The following RORA variants were observed in gnomAD, a reference collection of about 807,000 sequenced individuals.
RORA encodes RAR related orphan receptor A.
RORA carries 7 observed loss-of-function variants against 69.5 expected under a neutral mutation model. That is an observed-to-expected ratio of 0.10 (90% CI 0.06 to 0.19). The LOEUF is 0.19. Ranked by LOEUF, RORA falls within the 10% of genes least tolerant of loss-of-function variation. The probability of loss-of-function intolerance (pLI) is 1.00; values close to 1 mark genes in which losing one functional copy is unlikely to be tolerated. For missense variants in RORA, 457 were observed against 663.0 expected, an observed-to-expected ratio of 0.69 and a Z score of 3.41; for synonymous variants, 261 against 240.8, an observed-to-expected ratio of 1.08 and a Z score of -0.78.
At chr15:60,924,434 A>G (rs149056166) in intron 1 of RORA, among the ~76,000 whole-genome samples, 24 of 151,468 alleles carry the variant, frequency 1.6e-4, no homozygotes, top group African/African-American at 5.6e-4. Flanking sequence ...TACACATACT[A>G]TAGTCCTTTA....
At chr15:61,046,359 T>C (rs574387875) in intron 1 of RORA, among the ~76,000 whole-genome samples, 1 of 152,250 alleles carries the variant, frequency 6.6e-6, no homozygotes, top group South Asian at 2.1e-4. Context: ...GCTTTGATAA[T>C]TGTCCTAGGG....
At chr15:60,881,040 C>T (rs879611199) in intron 1 of RORA, among the ~76,000 whole-genome samples, 1 of 152,202 alleles carries the variant, frequency 6.6e-6, no homozygotes, top group Non-Finnish European at 1.5e-5. Flanking sequence ...AAATGCTGAT[C>T]TAAACAAGGA....
chr15:60,968,110 A>G (rs990556113), intron 1 of RORA, among the ~76,000 whole-genome samples: 2 of 152,234 alleles, frequency 1.3e-5, no homozygotes, highest in African/African-American at 4.8e-5. Flanking sequence ...TGCTTACGCT[A>G]TTCCAGAGAC....
At chr15:61,105,723 TATC>T (rs1273166222) in intron 1 of RORA, among the ~76,000 whole-genome samples, 10 of 152,356 alleles carry the variant, frequency 6.6e-5, no homozygotes, top group African/African-American at 2.4e-4. Context: ...CAAATTCATC[TATC>T]ATGACATATT....
At chr15:61,056,279 G>A (rs538032165) in intron 1 of RORA, among the ~76,000 whole-genome samples, 6 of 152,186 alleles carry the variant, frequency 3.9e-5, no homozygotes, top group Non-Finnish European at 8.8e-5. Flanking sequence ...CTGTGAGGTG[G>A]TTATTGGCAT....
At chr15:60,819,772 C>T (rs2072868322) in intron 1 of RORA, among the ~76,000 whole-genome samples, 1 of 151,122 alleles carries the variant, frequency 6.6e-6, no homozygotes, top group South Asian at 2.1e-4. Flanking sequence ...CACACACACA[C>T]ACACACACAC....
intron 4 of RORA, among the ~76,000 whole-genome samples, chr15:60,513,322 C>T (rs1173690989): frequency 6.6e-6 from 1 of 152,142 alleles, no homozygotes; most frequent in Non-Finnish European, 1.5e-5. Flanking sequence ...TTCTTATATG[C>T]AAAATTTTCA....
chr15:61,137,880 T>C (rs1251179953), intron 1 of RORA, among the ~76,000 whole-genome samples: 1 of 152,166 alleles, frequency 6.6e-6, no homozygotes, highest in Non-Finnish European at 1.5e-5. Context: ...ATGAATAACT[T>C]CAAACATCCC....
At chr15:60,688,014 A>C (rs2070772104) in intron 1 of RORA, among the ~76,000 whole-genome samples, 1 of 152,228 alleles carries the variant, frequency 6.6e-6, no homozygotes, top group Non-Finnish European at 1.5e-5. Flanking sequence ...TAGAAATTTT[A>C]GGAATTAATC....
At chr15:60,614,905 G>T (rs2069190998) in intron 2 of RORA, 1 of 1,613,020 alleles carries the variant, frequency 6.2e-7, no homozygotes, top group African/African-American at 1.3e-5. Context: ...TTTTCTCAAT[G>T]CAGGGAGCAG....
At chr15:60,857,621 G>C (rs1004252975) in intron 1 of RORA, among the ~76,000 whole-genome samples, 10 of 152,078 alleles carry the variant, frequency 6.6e-5, no homozygotes, top group Non-Finnish European at 7.4e-5. Flanking sequence ...CAAGCAGAAG[G>C]CCTACCTGGC....
intron 1 of RORA, among the ~76,000 whole-genome samples, chr15:60,747,927 A>G (rs1434703542): frequency 2.0e-4 from 31 of 152,190 alleles, no homozygotes. Context: ...ATTAATATAG[A>G]TTCCCACCCA....
intron 1 of RORA, among the ~76,000 whole-genome samples, chr15:61,040,106 A>C (rs1407592852): frequency 8.8e-6 from 1 of 113,894 alleles, no homozygotes; most frequent in Admixed American, 9.0e-5. Context: ...CTATGATCAC[A>C]AGCTTTGATA....
At chr15:61,215,576 C>A (rs1428603122) in intron 1 of RORA, among the ~76,000 whole-genome samples, 1 of 152,186 alleles carries the variant, frequency 6.6e-6, no homozygotes, top group Non-Finnish European at 1.5e-5. Flanking sequence ...TAAAAGGCAA[C>A]ATAAGCCAAG....
At chr15:60,763,534 G>A (rs1454418735) in intron 1 of RORA, among the ~76,000 whole-genome samples, 8 of 152,186 alleles carry the variant, frequency 5.3e-5, no homozygotes, top group Non-Finnish European at 1.5e-5. Context: ...GAGGTTCGCT[G>A]CTGCCAGCCT....
intron 3 of RORA, among the ~76,000 whole-genome samples, chr15:60,516,185 T>TTA (rs1197700085): frequency 0.12 from 2,099 of 17,756 alleles, 47 homozygotes; most frequent in Non-Finnish European, 0.15. Context: ...ATATATATAT[T>TTA]TATATATATA....
intron 2 of RORA, among the ~76,000 whole-genome samples, chr15:60,620,904 G>A (rs191022875): frequency 2.6e-5 from 4 of 152,368 alleles, no homozygotes. Flanking sequence ...GCATGTGAAC[G>A]TGGCAGGAAT....
intron 1 of RORA, among the ~76,000 whole-genome samples, chr15:60,910,543 A>G (rs1347406125): frequency 2.0e-5 from 3 of 152,182 alleles, no homozygotes. Context: ...GAAGCAGGTT[A>G]ACACCATCTA....
intron 1 of RORA, among the ~76,000 whole-genome samples, chr15:60,846,805 T>C (rs886231562): frequency 5.9e-5 from 9 of 152,234 alleles, no homozygotes; most frequent in African/African-American, 2.2e-4. Context: ...CTAATAAACA[T>C]TGCTATTGTT....
Sources: allele counts gnomAD v4.1 joint callset (sites outside exome capture counted in the v4.1 genomes callset), GRCh38; gene constraint gnomAD v4.1.1; transcripts MANE v1.5; gene names NCBI Gene and HGNC (gene_info 2026-07-23, HGNC 2026-07-21).